Variants in CPT1C observed in about 807,000 individuals in gnomAD.
CPT1C encodes the protein carnitine palmitoyltransferase 1C.
Under a neutral mutation model 97.3 loss-of-function variants are expected in CPT1C, and 61 were observed. The observed-to-expected ratio is 0.63, with a 90% CI of 0.51 to 0.78. The LOEUF is 0.78. Among genes scored for constraint, CPT1C ranks in the 30% least tolerant of loss-of-function variants. The pLI is 0.00. For missense variants in CPT1C, 975 were observed against 1,065.5 expected, an observed-to-expected ratio of 0.92 and a Z score of 1.18; for synonymous variants, 469 against 447.2, an observed-to-expected ratio of 1.05 and a Z score of -0.61.
rs1310189415 is a variant in CPT1C, at chr19:49,705,436, G to A, written c.964+138G>A. 7 of 710,980 alleles carry A rather than the reference G, an allele frequency of 9.8e-6. No individual in the cohort carries two copies. In the Admixed American group the frequency reaches 2.1e-4, roughly 21 times the overall value. 44.0% of individuals were successfully genotyped at this position (710,980 alleles called of 1,614,324 possible). A position where few individuals can be genotyped will look rare whatever the true frequency, so the allele number is the denominator to read the frequency against. The stretch of plus-strand genomic sequence containing the variant: ...CCTTCTGCACGTTATTACCCTCTCT[G>A]AGCCTCAGCTTCCACTAAAGTGGGA... On this transcript the variant is annotated intron_variant, in intron 10 of 19. Coordinates refer to ENST00000598293, the MANE Select transcript of CPT1C (RefSeq NM_001199753.2).
At chr19:49,701,969 A>AATATATTT (rs1568520510) in intron 7 of CPT1C, among the ~76,000 whole-genome samples, 1 of 99,784 alleles carries the variant, frequency 1.0e-5, no homozygotes, top group Non-Finnish European at 1.8e-5. Flanking sequence ...TTTATATATA[A>AATATATTT]ATTTATAAAT....
intron 3 of CPT1C, among the ~76,000 whole-genome samples, chr19:49,693,733 G>T (rs183631689): frequency 0.027 from 4,075 of 151,874 alleles, 172 homozygotes; most frequent in African/African-American, 0.092. Context: ...ACACCAGCCT[G>T]GACAACATAG....
chr19:49,694,512 A>G (rs1224282112), intron 3 of CPT1C, among the ~76,000 whole-genome samples: 1 of 151,374 alleles, frequency 6.6e-6, no homozygotes, highest in African/African-American at 2.4e-5. Context: ...ACCTGTAATC[A>G]CAGCTACCTG....
At chr19:49,695,749 A>G (rs2082634919) in intron 3 of CPT1C, among the ~76,000 whole-genome samples, 1 of 147,178 alleles carries the variant, frequency 6.8e-6, no homozygotes, top group Non-Finnish European at 1.5e-5. Flanking sequence ...ACGCCAAGCT[A>G]ATTTTGTATT....
Position 49,701,482 on chromosome 19 carries a change from T to G in CPT1C, c.556-15T>G. The G allele has an allele frequency of 6.3e-7, 1 of 1,599,566 alleles. No homozygotes were observed. The highest frequency in any genetic ancestry group is 2.3e-5 in the East Asian group (1 of 44,370). On this transcript the variant is annotated splice_polypyrimidine_tract_variant and intron_variant, in intron 6 of 19. Coordinates refer to ENST00000598293, the MANE Select transcript of CPT1C (RefSeq NM_001199753.2). ...GGCGGGCCGGGGGCGTGACCTGCCC[T>G]CTTCTCCCCTTTAGTACCTGGAGTC...
At position 49,712,868 on chromosome 19, in the gene CPT1C, G is replaced by C. The variant is rs757536361; in HGVS notation, c.2133+19G>C. ...CGGGCCTGTGAGTGGAGCTGGGCGC[G>C]CTGGCCCCCAGAGGAAAGAGGGGGC... On this transcript the variant is annotated intron_variant, in intron 18 of 19. Coordinates refer to ENST00000598293, the MANE Select transcript of CPT1C (RefSeq NM_001199753.2). 64 of 1,599,564 alleles carry C rather than the reference G, an allele frequency of 4.0e-5. No individual in the cohort carries two copies. Among genetic ancestry groups the C allele is most frequent in the Admixed American group, 2.5e-4 (15 of 59,940 alleles).
chr19:49,695,278 ATTTTTTT>A (rs947374904), intron 3 of CPT1C, among the ~76,000 whole-genome samples: 61 of 127,548 alleles, frequency 4.8e-4, no homozygotes, highest in African/African-American at 1.6e-3. Context: ...AAAATGCACA[ATTTTTTT>A]TTTTTTTTTT....
chr19:49,707,580 A>G lies in CPT1C; in HGVS notation c.1406A>G (p.Glu469Gly), dbSNP rs746780190. ...FSNGKLGLSVEHSWADCPISG... is the reference protein window; with the variant it reads ...FSNGKLGLSVGHSWADCPISG... ...AACGGGAAGCTGGGCCTCAGCGTGGAGCACTCCTGGGCCGACTGCCCCATC... is the reference window on the plus strand; with the variant it reads ...AACGGGAAGCTGGGCCTCAGCGTGGGGCACTCCTGGGCCGACTGCCCCATC... The change falls in exon 13 of 20, where the codon GAG becomes GGG. Residue 469 changes from glutamate to glycine, a missense_variant. Physicochemically the swap from Glu to Gly is moderately conservative, Grantham distance 98. This residue lies in a region of CPT1C where 35 missense variants were observed against 66.6 expected (regional missense o/e 0.53). Coordinates refer to ENST00000598293, the MANE Select transcript of CPT1C (RefSeq NM_001199753.2). 2.5e-6 allele frequency: 4 copies of G among 1,613,828 alleles called. No individual in the cohort carries two copies. Among genetic ancestry groups the G allele is most frequent in the Non-Finnish European group, 3.4e-6 (4 of 1,179,924 alleles).
chr19:49,713,530 C>T lies in CPT1C; in HGVS notation c.2337C>T (p.Asn779=). 1.2e-6 allele frequency: 2 copies of T among 1,614,222 alleles called. No individual in the cohort carries two copies. Among genetic ancestry groups the T allele is most frequent in the Non-Finnish European group, 1.7e-6 (2 of 1,180,048 alleles). The part of the protein sequence containing the change: ...KRRFRGSGKE[N]SRHRCGFLSR... ...GGTTCAGAGGGTCAGGGAAGGAGAA[C>T]TCCAGGCACAGGTGTGGATTTCTCT... Residue 779 remains asparagine, a synonymous_variant, in exon 20 of 20, where the codon AAC becomes AAT. Coordinates refer to ENST00000598293, the MANE Select transcript of CPT1C (RefSeq NM_001199753.2).
At position 49,713,704 on chromosome 19, in the gene CPT1C, C is replaced by A. The variant is rs1423437644; in HGVS notation, c.*99C>A. The A allele has an allele frequency of 2.7e-6, 3 of 1,125,726 alleles. No homozygotes were observed. The highest frequency in any genetic ancestry group is 2.4e-5 in the East Asian group (1 of 41,686). The allele number at this position is 1,125,726 out of a possible 1,614,324, so 69.7% of individuals were successfully genotyped here. On this transcript the variant is annotated 3_prime_UTR_variant, in exon 20 of 20. Coordinates refer to ENST00000598293, the MANE Select transcript of CPT1C (RefSeq NM_001199753.2). Reference sequence around the variant, plus strand: ...GGCAACTGGTTTGGCAACCCCACATCCAGGCCAATAAAGATGTGTGAGCTG... The same window carrying A: ...GGCAACTGGTTTGGCAACCCCACATACAGGCCAATAAAGATGTGTGAGCTG...
chr19:49,694,878 C>T (rs531714659), intron 3 of CPT1C, among the ~76,000 whole-genome samples: 17 of 152,230 alleles, frequency 1.1e-4, no homozygotes, highest in African/African-American at 2.4e-4. Context: ...TGGTGGCTCA[C>T]GCCTCTAATC....
At position 49,697,446 on chromosome 19, in the gene CPT1C, A is replaced by C. The variant is rs762477035; in HGVS notation, c.262A>C (p.Lys88Gln). The change falls in exon 4 of 20, where the codon AAA (lysine) becomes CAA (glutamine). Residue 88 changes from lysine (K) to glutamine (Q), a missense_variant. Lys to Gln is a moderately conservative substitution (Grantham distance 53, BLOSUM62 1). Around this residue, in one of 3 missense-constraint regions of CPT1C, gnomAD observed 596 missense variants for 603.1 expected, o/e 0.99. Coordinates refer to ENST00000598293, the MANE Select transcript of CPT1C (RefSeq NM_001199753.2). ...TTCCTTAGGACTGATGGAGAAGATCAAAGAGTTGCTGCCTGACTGGTGAGG... is the reference window on the plus strand; with the variant it reads ...TTCCTTAGGACTGATGGAGAAGATCCAAGAGTTGCTGCCTGACTGGTGAGG... ...DPSLGLMEKIKELLPDWGGQH... is the reference protein window; with the variant it reads ...DPSLGLMEKIQELLPDWGGQH... 1 of 1,614,068 alleles carries C rather than the reference A, an allele frequency of 6.2e-7. No individual in the cohort carries two copies. Among genetic ancestry groups the C allele is most frequent in the South Asian group, 1.1e-5 (1 of 91,054 alleles).
chr19:49,703,075 A>G (rs2083275801), intron 7 of CPT1C, among the ~76,000 whole-genome samples: 1 of 65,074 alleles, frequency 1.5e-5, no homozygotes, highest in Non-Finnish European at 2.8e-5. Context: ...CTGTTTACAC[A>G]CACACACACA....
intron 4 of CPT1C, among the ~76,000 whole-genome samples, chr19:49,699,300 C>T (rs2082854171): frequency 6.6e-6 from 1 of 150,732 alleles, no homozygotes; most frequent in Non-Finnish European, 1.5e-5. Flanking sequence ...TGCAGATGGC[C>T]CCAAAGAACA....
At chr19:49,712,476 T>G (rs1600159576) in intron 17 of CPT1C, 5 of 471,250 alleles carry the variant, frequency 1.1e-5, no homozygotes, top group Admixed American at 3.6e-5. Context: ...AGAGGGTCAG[T>G]GGGGTGGGGA....
Position 49,706,008 on chromosome 19 carries a change from C to T in CPT1C, c.1064C>T (p.Pro355Leu), listed in dbSNP as rs1384468076. Residue 355 changes from proline to leucine, a missense_variant, in exon 11 of 20, where the codon CCG becomes CTG. Physicochemically the swap from Pro to Leu is moderately conservative, Grantham distance 98 (BLOSUM62 -3). Transcript: ENST00000598293. This position sits in a 1 kb window ranked among gnomAD's most constrained non-coding sequence, Gnocchi z 4.8. ...GTHSRNSLLSPRALEQQFQRI... is the reference protein window; with the variant it reads ...GTHSRNSLLSLRALEQQFQRI... ...CACTCCCGAAACAGCCTGCTTTCCCCGAGAGCCCTGGAGCAGCAGTTTCAG... is the reference window on the plus strand; with the variant it reads ...CACTCCCGAAACAGCCTGCTTTCCCTGAGAGCCCTGGAGCAGCAGTTTCAG... 2.5e-6 allele frequency: 4 copies of T among 1,613,906 alleles called. No homozygotes were observed. The highest frequency in any genetic ancestry group is 2.2e-5 in the East Asian group (1 of 44,882).
At chr19:49,691,954 G>A in intron 2 of CPT1C, 65 bp downstream of exon 2, 1 of 395,498 alleles carries the variant, frequency 2.5e-6, no homozygotes. Context: ...AGCTGAAAGC[G>A]TGAGATCCCG....
intron 3 of CPT1C, 65 bp downstream of exon 3, chr19:49,692,458 G>T (rs2082409557): frequency 6.3e-7 from 1 of 1,581,920 alleles, no homozygotes; most frequent in Non-Finnish European, 8.6e-7. Context: ...GATGTCTGAG[G>T]CTCACTTCCG....
Position 49,712,973 on chromosome 19 carries a change from C to G in CPT1C, c.2135C>G (p.Ala712Gly), listed in dbSNP as rs78060835. 61 of 1,613,428 alleles carry G rather than the reference C, an allele frequency of 3.8e-5. 1 individual carries two copies. In the African/African-American group the frequency reaches 7.2e-4, roughly 19 times the overall value. The change falls in exon 19 of 20, where the codon GCT (alanine) becomes GGT (glycine). Residue 712 changes from alanine (A) to glycine (G), a missense_variant and splice_region_variant. Physicochemically the swap from Ala to Gly is moderately conservative, Grantham distance 60 (BLOSUM62 0). Around this residue, in one of 3 missense-constraint regions of CPT1C, gnomAD observed 344 missense variants for 395.7 expected, o/e 0.87. Coordinates refer to ENST00000598293, the MANE Select transcript of CPT1C (RefSeq NM_001199753.2). The stretch of plus-strand genomic sequence containing the variant: ...TCCCTTCACTCTTTCCGTCTCCAGG[C>G]TGATGACCATGGTTATGGTGTTTCT... ...YVSSGGGFGP[A>G]DDHGYGVSYI...
Sources: allele counts gnomAD v4.1 joint callset (sites outside exome capture counted in the v4.1 genomes callset), GRCh38; gene constraint gnomAD v4.1.1; regional missense constraint gnomAD v4.1.1; non-coding constraint Gnocchi (gnomAD v3.1); transcripts MANE v1.5; gene names NCBI Gene and HGNC (gene_info 2026-07-23, HGNC 2026-07-21).